Variants in PIM2 observed in about 807,000 individuals in gnomAD.
PIM2 encodes the protein serine/threonine-protein kinase pim-2.
Under a neutral mutation model 18.0 loss-of-function variants are expected in PIM2, and 3 were observed. The ratio of observed to expected loss-of-function variants is 0.17; its 90% CI spans 0.08 to 0.43. The LOEUF is 0.43. PIM2 is among the 20% of genes least tolerant of loss of function. PIM2 has a pLI of 0.99. For missense variants in PIM2, 181 were observed against 260.8 expected, an observed-to-expected ratio of 0.69 and a Z score of 2.11; for synonymous variants, 117 against 105.3, an observed-to-expected ratio of 1.11 and a Z score of -0.68.
Position 48,914,030 on chromosome X carries a change from A to G in PIM2, c.*101T>C, listed in dbSNP as rs1428123442. 2.4e-5 allele frequency: 12 copies of G among 502,576 alleles called. No individual in the cohort carries two copies. The African/African-American group carries it at 2.9e-4, about 12-fold the overall frequency. The allele number at this position is 502,576 out of a possible 1,213,427, so 41.4% of individuals were successfully genotyped here. On this transcript the variant is annotated 3_prime_UTR_variant, in exon 6 of 6. Transcript: ENST00000376509. ...TAATACTGGACTTTAATGACTGGTA[A>G]TGACCTGTAAAACCAAGTCAACAAA...
At chrX:48,917,079 C>G in intron 3 of PIM2, among the ~76,000 whole-genome samples, 3 of 110,119 alleles carry the variant, frequency 2.7e-5, no homozygotes, top group Middle Eastern at 4.6e-3. Context: ...CACTTGAACC[C>G]AGGAGACGGA....
intron 3 of PIM2, among the ~76,000 whole-genome samples, chrX:48,917,314 CGA>C (rs2063565794): frequency 8.9e-6 from 1 of 111,951 alleles, no homozygotes; most frequent in Non-Finnish European, 1.9e-5. Flanking sequence ...GTTTTCTCAC[CGA>C]GATGCAAAAA....
In PIM2 at chrX:48,918,858, G is replaced by C. The variant is rs1176005657; in HGVS notation, c.-24C>G. The C allele has an allele frequency of 5.1e-6, 6 of 1,183,366 alleles. No homozygotes were observed. Among genetic ancestry groups the C allele is most frequent in the Non-Finnish European group, 6.8e-6 (6 of 880,764 alleles). On this transcript the variant is annotated 5_prime_UTR_variant, in exon 1 of 6. Coordinates refer to ENST00000376509, the MANE Select transcript of PIM2 (RefSeq NM_006875.4). ...ATGGAGGTGGCGCTGCGCAGATTGA[G>C]CCCACTGAACCCGCTAAGCCCGCAG...
chrX:48,918,619 C>A lies in PIM2; in HGVS notation c.88G>T (p.Ala30Ser). Residue 30 changes from alanine to serine, a missense_variant, in exon 2 of 6, where the codon GCC (alanine) becomes TCC (serine). Around this residue, in one of 5 missense-constraint regions of PIM2, gnomAD observed 104 missense variants for 125.3 expected, o/e 0.83. Coordinates refer to ENST00000376509, the MANE Select transcript of PIM2 (RefSeq NM_006875.4). ...PGGKDREAFE[A>S]EYRLGPLLGK... ...AGGAGGGGGCCGAGTCGATACTCGG[C>A]CTCGAACGCTTCCCGATCCTTGCCT... 1 of 1,204,893 alleles carries A rather than the reference C, an allele frequency of 8.3e-7. No individual in the cohort carries two copies. The highest frequency in any genetic ancestry group is 1.1e-6 in the Non-Finnish European group (1 of 890,862).
chrX:48,914,721 G>A (rs2147506209), intron 4 of PIM2, 150 bp from the exon 5 acceptor site: 1 of 497,489 alleles, frequency 2.0e-6, no homozygotes, highest in South Asian at 3.6e-5. Context: ...TAAAATAACA[G>A]AGTCCCCTCA....
rs782066643 is a variant in PIM2, at chrX:48,914,386, A to G, written c.772+9T>C. 18 of 1,208,352 alleles carry G rather than the reference A, an allele frequency of 1.5e-5. No homozygotes were observed. In the African/African-American group the frequency reaches 3.0e-4, roughly 20 times the overall value. ...GGAGTCTTCTGGGCTGGGGTCAGTG[A>G]GGCCTCACCTGGGGAGACATGGGCT... On this transcript the variant is annotated intron_variant, in intron 5 of 5. Coordinates refer to ENST00000376509, the MANE Select transcript of PIM2 (RefSeq NM_006875.4).
Position 48,914,476 on chromosome X carries a change from T to C in PIM2, c.691A>G (p.Met231Val), listed in dbSNP as rs782556326. The change falls in exon 5 of 6, where the codon ATG (methionine) becomes GTG (valine). Residue 231 changes from methionine (M) to valine (V), a missense_variant. Met to Val is a conservative substitution (Grantham distance 21). This residue lies in a region of PIM2 where 2 missense variants were observed against 20.6 expected (regional missense o/e 0.10). Transcript: ENST00000376509. The stretch of plus-strand genomic sequence containing the variant: ...TCAAAGGGAATGTCCCCACACACCA[T>C]GTCATAGAGGAGGATGCCCAGTGAC... ...VWSLGILLYD[M>V]VCGDIPFERD... is the part of the protein sequence containing the mutation. The C allele has an allele frequency of 8.3e-7, 1 of 1,209,880 alleles. No individual in the cohort carries two copies.
chrX:48,914,365 T>TC, intron 5 of PIM2, 30 bp downstream of exon 5: 1 of 1,207,693 alleles, frequency 8.3e-7, no homozygotes, highest in African/African-American at 1.8e-5. Context: ...AAGGATGGAG[T>TC]CTTCTGGGCT....
Position 48,915,405 on chromosome X carries a change from G to A in PIM2, c.223-13C>T, listed in dbSNP as rs187721188. 5,422 of 1,189,228 alleles carry A rather than the reference G, an allele frequency of 4.6e-3. 13 individuals carry two copies. The highest frequency in any genetic ancestry group is 5.6e-3 in the Non-Finnish European group (4,949 of 882,449). On this transcript the variant is annotated splice_polypyrimidine_tract_variant and intron_variant, in intron 3 of 5. Transcript: ENST00000376509. ...TGACTGAGTCTGACTGGGGGCACAG[G>A]TGGGGTGGGAAGCAGGGAGAGAAAA...
chrX:48,916,851 GAAAA>G (rs781867162), intron 3 of PIM2, among the ~76,000 whole-genome samples: 2 of 96,104 alleles, frequency 2.1e-5, no homozygotes, highest in Non-Finnish European at 4.2e-5. Context: ...CCGTCTCAAG[GAAAA>G]AAAAAAGTCA....
chrX:48,917,911 G>C lies in PIM2; in HGVS notation c.172-80C>G, dbSNP rs781901723. 4 of 756,137 alleles carry C rather than the reference G, an allele frequency of 5.3e-6. No individual in the cohort carries two copies. In the Admixed American group the frequency reaches 1.1e-4, roughly 20 times the overall value. 62.3% of individuals were successfully genotyped at this position (756,137 alleles called of 1,213,427 possible). On this transcript the variant is annotated intron_variant, in intron 2 of 5. Coordinates refer to ENST00000376509, the MANE Select transcript of PIM2 (RefSeq NM_006875.4). ...AGTCTAGACCTTCTGCCTACCTCCA[G>C]TATTCCTCCATCTACCAGCACTCTA... is the stretch of plus-strand genomic sequence containing the variant.
At position 48,914,523 on chromosome X, in the gene PIM2, T is replaced by C. The variant is rs150136276; in HGVS notation, c.644A>G (p.His215Arg). The C allele has an allele frequency of 4.7e-5, 57 of 1,206,814 alleles. No individual in the cohort carries two copies. The African/African-American group carries it at 7.3e-4, about 15-fold the overall frequency. The change falls in exon 5 of 6, where the codon CAT (histidine) becomes CGT (arginine). Residue 215 changes from histidine to arginine, a missense_variant. Transcript: ENST00000376509. Reference sequence around the variant, plus strand: ...TGACCAGACAGTGGCCGGGAGTGCATGGTACTGGTGTCGAGAGATCCACTC... The same window carrying C: ...TGACCAGACAGTGGCCGGGAGTGCACGGTACTGGTGTCGAGAGATCCACTC... ...PPEWISRHQY[H>R]ALPATVWSLG...
Position 48,914,236 on chromosome X carries a change from C to T in PIM2, c.831G>A (p.Leu277=). Residue 277 remains leucine (L), a synonymous_variant, in exon 6 of 6, where the codon CTG becomes CTA. Coordinates refer to ENST00000376509, the MANE Select transcript of PIM2 (RefSeq NM_006875.4). The part of the protein sequence containing the change: ...LAPKPSSRPS[L]EEILLDPWMQ... ...TCCAGGGGTCCAGCAGGATCTCTTC[C>T]AGTGAGGGTCGGGAAGAAGGTTTGG... The T allele has an allele frequency of 2.5e-6, 3 of 1,204,809 alleles. No homozygotes were observed. Among genetic ancestry groups the T allele is most frequent in the East Asian group, 3.0e-5 (1 of 33,654 alleles).
Position 48,913,955 on chromosome X carries a change from C to T in PIM2, c.*176G>A. The T allele has an allele frequency of 2.6e-6, 1 of 390,040 alleles. No homozygotes were observed. The highest frequency in any genetic ancestry group is 4.4e-6 in the Non-Finnish European group (1 of 225,460). 32.1% of individuals were successfully genotyped at this position (390,040 alleles called of 1,213,427 possible). Reference sequence around the variant, plus strand: ...TTGTAGGATTGGGAAGGGAACTGGGCAGACTTGGTTTATGTCTTCTAACCC... The same window carrying T: ...TTGTAGGATTGGGAAGGGAACTGGGTAGACTTGGTTTATGTCTTCTAACCC... On this transcript the variant is annotated 3_prime_UTR_variant, in exon 6 of 6. Coordinates refer to ENST00000376509, the MANE Select transcript of PIM2 (RefSeq NM_006875.4).
At position 48,915,048 on chromosome X, in the gene PIM2, A is replaced by T. The variant is rs1477026077; in HGVS notation, c.567T>A (p.Leu189=). 3.3e-6 allele frequency: 4 copies of T among 1,206,544 alleles called. No homozygotes were observed. The highest frequency in any genetic ancestry group is 5.9e-5 in the East Asian group (2 of 33,720). The change falls in exon 4 of 6, where the codon CTT becomes CTA. Residue 189 remains leucine, a synonymous_variant. Coordinates refer to ENST00000376509, the MANE Select transcript of PIM2 (RefSeq NM_006875.4). ...CAAAGTCAGTGTAGGGTTCATCATG[A>T]AGCAGGGCACCAGAACCAAAATCAA... is the stretch of plus-strand genomic sequence containing the variant. ...KLIDFGSGAL[L]HDEPYTDFDG... is the part of the protein sequence containing the mutation.
chrX:48,914,901 A>G (rs2063558787), intron 4 of PIM2, 119 bp downstream of exon 4: 1 of 646,414 alleles, frequency 1.5e-6, no homozygotes, highest in African/African-American at 2.2e-5. Context: ...TTAGCAATCG[A>G]TCATCTTATA....
At chrX:48,916,809 C>G (rs185944116) in intron 3 of PIM2, among the ~76,000 whole-genome samples, 174 of 108,631 alleles carry the variant, frequency 1.6e-3, no homozygotes, top group African/African-American at 5.4e-3. Flanking sequence ...GATCACGCCA[C>G]TGCACTCCAG....
rs2063571652 is a variant in PIM2, at chrX:48,918,999, C to G, written c.-165G>C. ...GCAGACGGCGCAGCGTTGAGATTCG[C>G]CGCGCGCGCCAGCCCCAATGCTACT... On this transcript the variant is annotated 5_prime_UTR_variant, in exon 1 of 6. Transcript: ENST00000376509. 4.5e-6 allele frequency: 2 copies of G among 441,034 alleles called. No individual in the cohort carries two copies. The allele number at this position is 441,034 out of a possible 1,213,427, so 36.3% of individuals were successfully genotyped here. A position where few individuals can be genotyped will look rare whatever the true frequency, so the allele number is the denominator to read the frequency against.
Position 48,913,859 on chromosome X carries a change from C to T in PIM2, c.*272G>A. The T allele has an allele frequency of 3.4e-6, 1 of 296,101 alleles. No homozygotes were observed. The highest frequency in any genetic ancestry group is 5.8e-6 in the Non-Finnish European group (1 of 171,321). The allele number at this position is 296,101 out of a possible 1,213,427, so 24.4% of individuals were successfully genotyped here. A position where few individuals can be genotyped will look rare whatever the true frequency, so the allele number is the denominator to read the frequency against. On this transcript the variant is annotated 3_prime_UTR_variant, in exon 6 of 6. Coordinates refer to ENST00000376509, the MANE Select transcript of PIM2 (RefSeq NM_006875.4). The stretch of plus-strand genomic sequence containing the variant: ...GAACAACTTCACCAAAATAAACTTC[C>T]TTAGCAAAATGAGAAGCAAGAAGTT...
Sources: allele counts gnomAD v4.1 joint callset (sites outside exome capture counted in the v4.1 genomes callset), GRCh38; gene constraint gnomAD v4.1.1; regional missense constraint gnomAD v4.1.1; transcripts MANE v1.5; gene names NCBI Gene and HGNC (gene_info 2026-07-23, HGNC 2026-07-21).